The following NRXN3 variants were observed in gnomAD, a reference collection of about 807,000 sequenced individuals.
NRXN3 encodes the protein neurexin III.
In NRXN3, 32 loss-of-function variants were observed where a neutral mutation model predicts 137.6. That is an observed-to-expected ratio of 0.23 (90% CI 0.18 to 0.31). NRXN3 has a LOEUF of 0.31. NRXN3 is among the 10% of genes least tolerant of loss of function. The pLI is 1.00. For missense variants in NRXN3, 1,574 were observed against 2,062.5 expected (o/e 0.76, Z 4.59); for synonymous variants, 798 against 784.5 (o/e 1.02, Z -0.29).
intron 15 of NRXN3, among the ~76,000 whole-genome samples, chr14:79,217,653 C>A (rs1396768073): frequency 6.6e-6 from 1 of 152,128 alleles, no homozygotes; most frequent in African/African-American, 2.4e-5. Flanking sequence ...GGTTCTCAAT[C>A]TTTGTGGCAG....
At chr14:79,829,975 C>T (rs2099317983) in intron 20 of NRXN3, among the ~76,000 whole-genome samples, 1 of 152,232 alleles carries the variant, frequency 6.6e-6, no homozygotes, top group African/African-American at 2.4e-5. Context: ...TATCTGTCTG[C>T]AACACACTTG....
intron 15 of NRXN3, among the ~76,000 whole-genome samples, chr14:79,443,088 A>G (rs1030466228): frequency 1.3e-5 from 2 of 152,224 alleles, no homozygotes. Context: ...GGTCTTGTCA[A>G]TTAGTCAAAG....
chr14:78,926,532 A>G (rs1241303105), intron 10 of NRXN3, among the ~76,000 whole-genome samples: 2 of 143,500 alleles, frequency 1.4e-5, no homozygotes, highest in East Asian at 2.0e-4. Flanking sequence ...CTTGAGCCCA[A>G]GAGTTCAAGA....
chr14:79,046,129 A>G (rs1440904483), intron 15 of NRXN3, among the ~76,000 whole-genome samples: 1 of 152,216 alleles, frequency 6.6e-6, no homozygotes, highest in African/African-American at 2.4e-5. Flanking sequence ...GGTTTAAGCA[A>G]TGGAGTAACA....
At chr14:79,505,547 T>C (rs767637271) in intron 16 of NRXN3, among the ~76,000 whole-genome samples, 8 of 152,194 alleles carry the variant, frequency 5.3e-5, no homozygotes, top group East Asian at 3.9e-4. Flanking sequence ...CCTAACTTCA[T>C]TGGTGACTAA....
rs140301017 is a variant in NRXN3, at chr14:78,968,283, C to T, written c.3079C>T (p.Arg1027Cys). 67 of 1,614,028 alleles carry T rather than the reference C, an allele frequency of 4.2e-5. No individual in the cohort carries two copies. Among genetic ancestry groups the T allele is most frequent in the East Asian group, 6.7e-5 (3 of 44,870 alleles). Residue 1027 changes from arginine (R) to cysteine (C), a missense_variant, in exon 14 of 21, where the codon CGC becomes TGC. This residue lies in a region of NRXN3 where 718 missense variants were observed against 887.6 expected (regional missense o/e 0.81). Transcript: ENST00000335750. ...TCTAGCATCAGTGGACTTGAATGGACGCCTGCCAGACCTCATCAATGATGC... is the reference window on the plus strand; with the variant it reads ...TCTAGCATCAGTGGACTTGAATGGATGCCTGCCAGACCTCATCAATGATGC... ...GCLASVDLNG[R>C]LPDLINDALH... is the part of the protein sequence containing the mutation.
chr14:79,586,973 C>T lies in NRXN3; in HGVS notation c.3445-76805C>T, dbSNP rs190910662. ...TTATCATCTCCTGACTCAAGTGAAT[C>T]TGCTGGTAACTGAGAGCTCCTACTC... On this transcript the variant is annotated intron_variant, in intron 16 of 20. Coordinates refer to ENST00000335750, the MANE Select transcript of NRXN3 (RefSeq NM_001330195.2). Among the ~76,000 whole-genome samples, 76 of 152,280 alleles carry T rather than the reference C, an allele frequency of 5.0e-4. No homozygotes were observed. The East Asian group carries it at 0.014, about 27-fold the overall frequency.
chr14:79,737,733 T>C (rs2098947021), intron 19 of NRXN3, among the ~76,000 whole-genome samples: 1 of 151,664 alleles, frequency 6.6e-6, no homozygotes, highest in African/African-American at 2.4e-5. Flanking sequence ...TTTCTTTCTT[T>C]TTTTTTTTTA....
chr14:78,567,629 G>A (rs1600592650), intron 4 of NRXN3, among the ~76,000 whole-genome samples: 1 of 152,252 alleles, frequency 6.6e-6, no homozygotes, highest in African/African-American at 2.4e-5. Flanking sequence ...GCAGGAAATA[G>A]GTTTCCTGTT....
Position 79,608,433 on chromosome 14 carries a change from G to A in NRXN3, c.3445-55345G>A, listed in dbSNP as rs147441226. On this transcript the variant is annotated intron_variant, in intron 16 of 20. Transcript: ENST00000335750. The stretch of plus-strand genomic sequence containing the variant: ...AGAACTTGGCAAGGCTCTTGGAGGT[G>A]GTGGATTGATTTCTCTGGTGTTGTG... Among the ~76,000 whole-genome samples, 376 of 152,300 alleles carry A rather than the reference G, an allele frequency of 2.5e-3. 1 individual carries two copies. The highest frequency in any genetic ancestry group is 8.6e-3 in the African/African-American group (358 of 41,570).
chr14:78,822,828 C>T (rs1002486459), intron 10 of NRXN3, among the ~76,000 whole-genome samples: 2 of 152,082 alleles, frequency 1.3e-5, no homozygotes, highest in Non-Finnish European at 2.9e-5. Flanking sequence ...TACATATTGC[C>T]TCTGCCACTT....
At chr14:78,389,119 C>G (rs1374316742) in intron 4 of NRXN3, among the ~76,000 whole-genome samples, 1 of 150,686 alleles carries the variant, frequency 6.6e-6, no homozygotes, top group Non-Finnish European at 1.5e-5. Context: ...GCAGTGACAC[C>G]ATCTCGGCTC....
chr14:79,628,247 T>C (rs1029835317), intron 16 of NRXN3, among the ~76,000 whole-genome samples: 1 of 152,232 alleles, frequency 6.6e-6, no homozygotes, highest in East Asian at 1.9e-4. Flanking sequence ...CCTCCTTCTT[T>C]CTGATAGTCT....
At chr14:79,412,367 C>T (rs1166670941) in intron 15 of NRXN3, among the ~76,000 whole-genome samples, 1 of 151,996 alleles carries the variant, frequency 6.6e-6, no homozygotes, top group Non-Finnish European at 1.5e-5. Flanking sequence ...TCTATCTATG[C>T]TTAGTTTTAA....
intron 15 of NRXN3, among the ~76,000 whole-genome samples, chr14:79,404,323 G>T (rs1171569162): frequency 6.6e-6 from 1 of 152,146 alleles, no homozygotes; most frequent in African/African-American, 2.4e-5. Context: ...ATTGTCCTTT[G>T]AAACCATTGC....
chr14:78,519,900 T>G (rs1264286827), intron 4 of NRXN3, among the ~76,000 whole-genome samples: 1 of 152,172 alleles, frequency 6.6e-6, no homozygotes, highest in African/African-American at 2.4e-5. Flanking sequence ...GGAAAGACTC[T>G]GTAAAATATT....
intron 16 of NRXN3, among the ~76,000 whole-genome samples, chr14:79,494,949 T>G (rs1017095816): frequency 6.6e-6 from 1 of 152,248 alleles, no homozygotes; most frequent in Non-Finnish European, 1.5e-5. Flanking sequence ...TACAAATACT[T>G]TTTAATTGAA....
chr14:78,912,513 A>G (rs1434285007), intron 10 of NRXN3, among the ~76,000 whole-genome samples: 1 of 151,978 alleles, frequency 6.6e-6, no homozygotes, highest in East Asian at 2.0e-4. Context: ...GCTTAGTTTC[A>G]TGTCACTGCT....
intron 15 of NRXN3, among the ~76,000 whole-genome samples, chr14:79,321,585 A>G (rs1260856569): frequency 6.6e-6 from 1 of 151,984 alleles, no homozygotes; most frequent in African/African-American, 2.4e-5. Context: ...TTATTTTATC[A>G]GGTATTTGCA....
Sources: gnomAD v4.1 joint callset for allele counts (sites outside exome capture counted in the v4.1 genomes callset) on GRCh38, gnomAD v4.1.1 for gene constraint, gnomAD v4.1.1 regional missense constraint, MANE v1.5 for transcripts, NCBI Gene and HGNC (gene_info 2026-07-23, HGNC 2026-07-21) for gene names.